Variants in GNS observed in about 807,000 individuals in gnomAD.
GNS encodes N-acetylglucosamine-6-sulfatase.
Under a neutral mutation model 69.7 loss-of-function variants are expected in GNS, and 40 were observed. That is an observed-to-expected ratio of 0.57 (90% CI 0.45 to 0.75). GNS has a LOEUF of 0.75. Among genes scored for constraint, GNS ranks in the 30% least tolerant of loss-of-function variants. GNS has a pLI of 0.00. For missense variants in GNS, 565 were observed against 685.5 expected (o/e 0.82, Z 1.96); for synonymous variants, 243 against 251.6 (o/e 0.97, Z 0.32).
chr12:64,733,594 C>T (rs961290178), intron 9 of GNS, among the ~76,000 whole-genome samples: 1 of 152,222 alleles, frequency 6.6e-6, no homozygotes, highest in Non-Finnish European at 1.5e-5. Flanking sequence ...ATCTTGGTTG[C>T]TTCAGCTGGA....
intron 9 of GNS, chr12:64,729,279 G>T: frequency 1.9e-6 from 1 of 523,366 alleles, no homozygotes; most frequent in East Asian, 3.1e-5. Flanking sequence ...TATCCCCCTG[G>T]CAAGTTACAT....
At chr12:64,724,861 G>C (rs1262032861) in intron 10 of GNS, among the ~76,000 whole-genome samples, 1 of 151,976 alleles carries the variant, frequency 6.6e-6, no homozygotes, top group Non-Finnish European at 1.5e-5. Context: ...ACTCTGTCTC[G>C]GAAAAAACAA....
intron 10 of GNS, among the ~76,000 whole-genome samples, chr12:64,724,923 G>GGAATTGAGTGAACTGTCA (rs1197066531): frequency 6.6e-6 from 1 of 152,168 alleles, no homozygotes; most frequent in Non-Finnish European, 1.5e-5. Flanking sequence ...GCCAGAAGGT[G>GGAATTGAGTGAACTGTCA]GAATTGAGTG....
intron 1 of GNS, among the ~76,000 whole-genome samples, chr12:64,753,304 G>A (rs966735440): frequency 6.6e-6 from 1 of 152,124 alleles, no homozygotes; most frequent in Admixed American, 6.5e-5. Flanking sequence ...CAGGTGGCAA[G>A]CAGGTGTACA....
chr12:64,740,684 T>C lies in GNS; in HGVS notation c.797A>G (p.Lys266Arg). 6.5e-7 allele frequency: 1 copy of C among 1,535,868 alleles called. No homozygotes were observed. Among genetic ancestry groups the C allele is most frequent in the Non-Finnish European group, 9.0e-7 (1 of 1,108,946 alleles). Residue 266 changes from lysine to arginine, a missense_variant, in exon 7 of 14, where the codon AAG becomes AGG. Transcript: ENST00000258145. ...NKNFNIHGTNKHWLIRQAKTP... is the reference protein window; with the variant it reads ...NKNFNIHGTNRHWLIRQAKTP... ...CTTGGCTTGCCTAATTAACCAGTGC[T>C]TGTTCTAAAATTTAGAAGAAAAAAA...
chr12:64,735,966 T>G (rs1226414815), intron 9 of GNS, among the ~76,000 whole-genome samples: 1 of 152,194 alleles, frequency 6.6e-6, no homozygotes, highest in Non-Finnish European at 1.5e-5. Context: ...TTTAAACAAG[T>G]AAACATCAAG....
Position 64,733,297 on chromosome 12 carries a change from CAAAAAAAAAAAAAAAA to C in GNS, c.1098+3691_1098+3706del, listed in dbSNP as rs961321163. Among the ~76,000 whole-genome samples the C allele has an allele frequency of 3.8e-4, 10 of 26,652 alleles. 1 individual carries two copies. In the Admixed American group the frequency reaches 4.5e-3, roughly 12 times the overall value. The allele number at this position is 26,652 out of a possible 152,430, so 17.5% of individuals were successfully genotyped here. ...TAAGTTACAGAGCAAGACCCTGTCT[CAAAAAAAAAAAAAAAA>C]AAAAAAAAAAAAAAATTCCTGGGGC... On this transcript the variant is annotated intron_variant, in intron 9 of 13. Transcript: ENST00000258145.
intron 3 of GNS, 55 bp downstream of exon 3, chr12:64,747,657 T>C (rs1869935480): frequency 2.1e-6 from 2 of 966,586 alleles, no homozygotes; most frequent in South Asian, 1.3e-5. Context: ...TTAACATGAA[T>C]TATATTCACA....
At chr12:64,756,645 A>G (rs1003899459) in intron 1 of GNS, 5 of 826,422 alleles carry the variant, frequency 6.1e-6, no homozygotes, top group Non-Finnish European at 1.0e-5. Flanking sequence ...TGACTGAAGC[A>G]CAAGTATAAA....
At chr12:64,728,176 T>C (rs1478701966) in intron 10 of GNS, among the ~76,000 whole-genome samples, 1 of 152,180 alleles carries the variant, frequency 6.6e-6, no homozygotes, top group South Asian at 2.1e-4. Context: ...CCACCCACCT[T>C]TGGCCTCCCA....
intron 1 of GNS, among the ~76,000 whole-genome samples, chr12:64,758,297 T>C (rs918674089): frequency 2.8e-5 from 4 of 142,302 alleles, no homozygotes; most frequent in Admixed American, 7.0e-5. Context: ...ACCAGATTAG[T>C]TCACTTCAGG....
At chr12:64,729,768 G>GAAATAT (rs748784402) in intron 9 of GNS, among the ~76,000 whole-genome samples, 3 of 152,066 alleles carry the variant, frequency 2.0e-5, no homozygotes, top group Non-Finnish European at 4.4e-5. Context: ...TAGCCTAATG[G>GAAATAT]AAATATAAAG....
intron 9 of GNS, among the ~76,000 whole-genome samples, chr12:64,732,153 ATTTTTT>A: frequency 1.1e-5 from 1 of 88,756 alleles, no homozygotes. Context: ...CACCTGGCTA[ATTTTTT>A]TTTTTTGTTG....
chr12:64,740,471 C>G (rs568034626), intron 7 of GNS, 135 bp downstream of exon 7: 37 of 698,834 alleles, frequency 5.3e-5, no homozygotes, highest in Admixed American at 3.0e-4. Context: ...GGTGCCCCAT[C>G]GAAGCCTCTC....
chr12:64,744,609 C>G (rs1869843234), intron 5 of GNS, among the ~76,000 whole-genome samples, 200 bp downstream of exon 5: 1 of 152,174 alleles, frequency 6.6e-6, no homozygotes, highest in African/African-American at 2.4e-5. Flanking sequence ...AGCATTAGAT[C>G]TGAGCCTGGC....
At chr12:64,750,190 G>A (rs1327436437) in intron 2 of GNS, among the ~76,000 whole-genome samples, 1 of 151,810 alleles carries the variant, frequency 6.6e-6, no homozygotes, top group Non-Finnish European at 1.5e-5. Context: ...GGGCTCATAG[G>A]CGCTCGCCAC....
chr12:64,735,027 G>A (rs891840065), intron 9 of GNS, among the ~76,000 whole-genome samples: 1 of 152,194 alleles, frequency 6.6e-6, no homozygotes, highest in South Asian at 2.1e-4. Context: ...GGACAATAGC[G>A]TGAACCCAGG....
chr12:64,759,190 C>CAGCAGT lies in GNS; in HGVS notation c.81_86dup (p.Leu28_Leu29dup), dbSNP rs1239566414. ...AGACCCCCAGGCAGCCGCCCAGCAC[C>CAGCAGT]AGCAGTAGCAGCGCTGGGCTGCAGG... On this transcript the variant is annotated inframe_insertion, in exon 1 of 14. Coordinates refer to ENST00000258145, the MANE Select transcript of GNS (RefSeq NM_002076.4). The CAGCAGT allele has an allele frequency of 1.3e-6, 2 of 1,548,884 alleles. No homozygotes were observed. Among genetic ancestry groups the CAGCAGT allele is most frequent in the Non-Finnish European group, 1.7e-6 (2 of 1,146,430 alleles).
At chr12:64,752,507 T>C (rs558703642) in intron 2 of GNS, among the ~76,000 whole-genome samples, 191 bp downstream of exon 2, 4 of 152,330 alleles carry the variant, frequency 2.6e-5, no homozygotes, top group Admixed American at 2.6e-4. Flanking sequence ...CTTAGAAATA[T>C]CTGCAATTAA....
Sources: gnomAD v4.1 joint callset for allele counts (sites outside exome capture counted in the v4.1 genomes callset) on GRCh38, gnomAD v4.1.1 for gene constraint, MANE v1.5 for transcripts, NCBI Gene and HGNC (gene_info 2026-07-23, HGNC 2026-07-21) for gene names.